Variants in KSR2 observed in about 807,000 individuals in gnomAD.
The protein encoded by KSR2 is kinase suppressor of ras 2.
In KSR2, 25 loss-of-function variants were observed where a neutral mutation model predicts 107.8. The ratio of observed to expected loss-of-function variants is 0.23; its 90% CI spans 0.17 to 0.32. KSR2 has a LOEUF of 0.32. KSR2 is among the 10% of genes least tolerant of loss of function. The pLI, the probability that KSR2 is intolerant of heterozygous loss-of-function variation, is 1.00. For synonymous variants in KSR2, 480 were observed against 507.0 expected (o/e 0.95, Z 0.71); for missense variants, 887 against 1,268.9 (o/e 0.70, Z 4.57).
chr12:117,873,075 G>A (rs1052878937), intron 1 of KSR2, among the ~76,000 whole-genome samples: 12 of 152,152 alleles, frequency 7.9e-5, no homozygotes, highest in Admixed American at 2.0e-4. Flanking sequence ...TGCCCGCCAG[G>A]TACAGTGGCC....
At chr12:117,567,947 A>G (rs140602808) in intron 7 of KSR2, among the ~76,000 whole-genome samples, 473 of 151,196 alleles carry the variant, frequency 3.1e-3, no homozygotes, top group African/African-American at 0.011. Context: ...TGCTCCAAGT[A>G]CAGGATATCA....
At chr12:117,503,328 T>C (rs1873491643) in intron 14 of KSR2, among the ~76,000 whole-genome samples, 1 of 152,230 alleles carries the variant, frequency 6.6e-6, no homozygotes, top group South Asian at 2.1e-4. Flanking sequence ...CAGATCTTCC[T>C]CCCTGTTGCT....
At chr12:117,870,883 A>T (rs1893628616) in intron 1 of KSR2, among the ~76,000 whole-genome samples, 1 of 152,190 alleles carries the variant, frequency 6.6e-6, no homozygotes, top group Non-Finnish European at 1.5e-5. Flanking sequence ...AATGAGAATC[A>T]TCTTGGGGAA....
chr12:117,497,759 A>T (rs1015037649), intron 14 of KSR2, among the ~76,000 whole-genome samples: 20 of 152,094 alleles, frequency 1.3e-4, no homozygotes, highest in African/African-American at 4.8e-5. Flanking sequence ...GTGCTTTGTA[A>T]CCTCTGAGGT....
intron 5 of KSR2, among the ~76,000 whole-genome samples, chr12:117,602,203 G>A (rs1880995614): frequency 1.3e-5 from 2 of 151,960 alleles, no homozygotes. Flanking sequence ...CAGTGGGCCA[G>A]GTTTTTTTTG....
intron 1 of KSR2, among the ~76,000 whole-genome samples, chr12:117,910,959 T>C (rs11068737): frequency 0.091 from 13,859 of 152,200 alleles, 995 homozygotes; most frequent in African/African-American, 0.2. Context: ...AGCAAGGTCG[T>C]AGGTCATAGT....
At chr12:117,888,599 G>C (rs11608329) in intron 1 of KSR2, among the ~76,000 whole-genome samples, 1 of 152,008 alleles carries the variant, frequency 6.6e-6, no homozygotes, top group African/African-American at 2.4e-5. Flanking sequence ...GAAGAAACCA[G>C]AACTTTCTCT....
intron 4 of KSR2, among the ~76,000 whole-genome samples, chr12:117,748,115 AT>A (rs897319448): frequency 6.6e-6 from 1 of 152,248 alleles, no homozygotes; most frequent in African/African-American, 2.4e-5. Context: ...ATGGAGTACT[AT>A]TTAGTCTTAA....
intron 7 of KSR2, 69 bp downstream of exon 7, chr12:117,579,050 T>A: frequency 9.1e-7 from 1 of 1,101,934 alleles, no homozygotes; most frequent in Non-Finnish European, 1.4e-6. Context: ...CAAAGGCTGT[T>A]CAGTGCCCTG....
At chr12:117,481,398 G>A (rs1253651122) in intron 16 of KSR2, among the ~76,000 whole-genome samples, 2 of 152,090 alleles carry the variant, frequency 1.3e-5, no homozygotes, top group Non-Finnish European at 2.9e-5. Flanking sequence ...CAATAAGATT[G>A]GTGTTCTTAT....
intron 13 of KSR2, 72 bp from the exon 14 acceptor site, chr12:117,525,291 G>A (rs1005358825): frequency 1.4e-6 from 2 of 1,477,922 alleles, no homozygotes; most frequent in African/African-American, 2.8e-5. Context: ...GTCCTGCTGG[G>A]TCCCGTGCAC....
intron 3 of KSR2, among the ~76,000 whole-genome samples, chr12:117,820,256 C>T (rs532282788): frequency 2.0e-5 from 3 of 152,074 alleles, no homozygotes; most frequent in African/African-American, 4.8e-5. Flanking sequence ...TACCTCCCTG[C>T]GATCTCTTCT....
chr12:117,717,666 GGTGTGTGTGTGTGTGTGTGT>G (rs55910019), intron 4 of KSR2, among the ~76,000 whole-genome samples: 1,530 of 144,468 alleles, frequency 0.011, 13 homozygotes, highest in Non-Finnish European at 0.017. Flanking sequence ...GGGGCAGACA[GGTGTGTGTGTGTGTGTGTGT>G]GTGTGTGTGT....
chr12:117,922,458 G>A (rs562967983), intron 1 of KSR2, among the ~76,000 whole-genome samples: 1 of 152,276 alleles, frequency 6.6e-6, no homozygotes, highest in African/African-American at 2.4e-5. Flanking sequence ...AATCTGGGTC[G>A]ATCACATGGT....
intron 3 of KSR2, among the ~76,000 whole-genome samples, chr12:117,766,062 C>T (rs1452836126): frequency 1.3e-5 from 2 of 152,216 alleles, no homozygotes; most frequent in Non-Finnish European, 2.9e-5. Flanking sequence ...GGTACAGACC[C>T]CAAATAATTG....
At chr12:117,612,128 G>C (rs902252296) in intron 5 of KSR2, among the ~76,000 whole-genome samples, 3 of 152,208 alleles carry the variant, frequency 2.0e-5, no homozygotes, top group African/African-American at 7.2e-5. Context: ...ATCTCATCCA[G>C]GCGCAGTGGC....
chr12:117,936,372 G>A (rs1191006263), intron 1 of KSR2, among the ~76,000 whole-genome samples: 2 of 151,836 alleles, frequency 1.3e-5, no homozygotes, highest in African/African-American at 4.8e-5. Context: ...TGTTGCCCAC[G>A]CTGGAATGCA....
At chr12:117,642,674 A>C (rs954212144) in intron 5 of KSR2, among the ~76,000 whole-genome samples, 1 of 152,222 alleles carries the variant, frequency 6.6e-6, no homozygotes, top group South Asian at 2.1e-4. Flanking sequence ...GCCATACTGG[A>C]GTTCGGGTGG....
At chr12:117,594,099 A>G (rs1880495282) in intron 5 of KSR2, among the ~76,000 whole-genome samples, 1 of 152,184 alleles carries the variant, frequency 6.6e-6, no homozygotes, top group Non-Finnish European at 1.5e-5. Flanking sequence ...GAGTTGTCTG[A>G]GCTGAAATTC....
Sources: gnomAD v4.1 joint callset for allele counts (sites outside exome capture counted in the v4.1 genomes callset) on GRCh38, gnomAD v4.1.1 for gene constraint, MANE v1.5 for transcripts, NCBI Gene and HGNC (gene_info 2026-07-23, HGNC 2026-07-21) for gene names.